Variants in TCAIM observed in about 807,000 individuals in gnomAD.
TCAIM encodes T-cell activation inhibitor, mitochondrial.
Under a neutral mutation model 58.6 loss-of-function variants are expected in TCAIM, and 36 were observed. That is an observed-to-expected ratio of 0.61 (90% confidence interval 0.47 to 0.81). TCAIM has a LOEUF of 0.81. Among genes scored for constraint, TCAIM ranks in the 30% least tolerant of loss-of-function variants. The pLI, the probability that TCAIM is intolerant of heterozygous loss-of-function variation, is 0.00. For synonymous variants in TCAIM, 172 were observed against 193.6 expected (o/e 0.89, Z 0.93); for missense variants, 466 against 579.6 (o/e 0.80, Z 2.01).
chr3:44,369,434 A>C lies in TCAIM; in HGVS notation c.572+1726A>C, dbSNP rs1701429331. On this transcript the variant is annotated intron_variant, in intron 5 of 10. Transcript: ENST00000342649. ...AAGAATGTATTAAAGGATTTCATAG[A>C]AGCAGTTGGTCTGTGGTTCAGTTGA... Among the ~76,000 whole-genome samples, 3 of 152,204 alleles carry C rather than the reference A, an allele frequency of 2.0e-5. No homozygotes were observed. The South Asian group carries it at 6.2e-4, about 31-fold the overall frequency.
At chr3:44,361,007 G>A (rs147249798) in intron 3 of TCAIM, among the ~76,000 whole-genome samples, 2 of 152,252 alleles carry the variant, frequency 1.3e-5, no homozygotes, top group African/African-American at 4.8e-5. Flanking sequence ...CTTGCCTGCA[G>A]GACTCATATG....
At chr3:44,397,978 C>T (rs1701960488) in intron 8 of TCAIM, among the ~76,000 whole-genome samples, 1 of 151,046 alleles carries the variant, frequency 6.6e-6, no homozygotes, top group Admixed American at 6.6e-5. Flanking sequence ...AAAAACCAAT[C>T]CAACTAAAAA....
At chr3:44,358,704 C>T (rs760614919) in intron 3 of TCAIM, 4 of 985,148 alleles carry the variant, frequency 4.1e-6, no homozygotes, top group Non-Finnish European at 4.8e-6. Flanking sequence ...GGAACCAATC[C>T]CCTATGGATA....
intron 5 of TCAIM, among the ~76,000 whole-genome samples, chr3:44,372,833 A>T (rs965062884): frequency 7.2e-5 from 11 of 152,184 alleles, no homozygotes; most frequent in East Asian, 5.8e-4. Context: ...TGACCTCATG[A>T]TCCACCCGTC....
At chr3:44,341,631 G>T (rs1455905583) in intron 1 of TCAIM, among the ~76,000 whole-genome samples, 3 of 152,084 alleles carry the variant, frequency 2.0e-5, no homozygotes, top group Non-Finnish European at 4.4e-5. Context: ...ATAAAATGTT[G>T]TATTGAACTG....
At chr3:44,362,316 A>G (rs1286064864) in intron 4 of TCAIM, 2 of 399,118 alleles carry the variant, frequency 5.0e-6, no homozygotes, top group African/African-American at 2.1e-5. Flanking sequence ...GTGACCTTTA[A>G]CTTTTGGGTG....
chr3:44,405,372 A>G (rs926848158), intron 10 of TCAIM, among the ~76,000 whole-genome samples: 7 of 152,238 alleles, frequency 4.6e-5, no homozygotes, highest in Non-Finnish European at 8.8e-5. Flanking sequence ...ACTTGCATGT[A>G]GTAGAAACAA....
At chr3:44,367,948 T>G (rs972283867) in intron 5 of TCAIM, 1 of 388,652 alleles carries the variant, frequency 2.6e-6, no homozygotes, top group African/African-American at 2.0e-5. Context: ...TATTTAAAGT[T>G]GTGGTCTTTT....
At chr3:44,349,003 G>T (rs891826951) in intron 1 of TCAIM, among the ~76,000 whole-genome samples, 1 of 150,250 alleles carries the variant, frequency 6.7e-6, no homozygotes, top group African/African-American at 2.5e-5. Flanking sequence ...GGGTGAGGAG[G>T]GGAGGTGATA....
At position 44,364,913 on chromosome 3, in the gene TCAIM, A is replaced by G. The variant is rs548963826; in HGVS notation, c.320-2543A>G. On this transcript the variant is annotated intron_variant, in intron 4 of 10. Transcript: ENST00000342649. ...GGGTATATAAATTAGTGCAAACTAC[A>G]AACTCTGCAGCTTGGAATTCTCTCC... 7.9e-5 allele frequency among the ~76,000 whole-genome samples: 12 copies of G among 152,326 alleles called. No individual in the cohort carries two copies. The South Asian group carries it at 2.3e-3, about 29-fold the overall frequency.
chr3:44,368,547 G>A (rs779992986), intron 5 of TCAIM, among the ~76,000 whole-genome samples: 3 of 152,216 alleles, frequency 2.0e-5, no homozygotes, highest in Admixed American at 6.5e-5. Context: ...GTCTGAAGAC[G>A]TGTATGTATG....
Position 44,400,235 on chromosome 3 carries a change from T to C in TCAIM, c.886-120T>C, listed in dbSNP as rs1351011837. The C allele has an allele frequency of 1.0e-5, 8 of 769,656 alleles. No individual in the cohort carries two copies. In the East Asian group the frequency reaches 1.1e-4, roughly 11 times the overall value. The allele number at this position is 769,656 out of a possible 1,614,324, so 47.7% of individuals were successfully genotyped here. On this transcript the variant is annotated intron_variant, in intron 8 of 10. Transcript: ENST00000342649. ...GTTTTTTTATCTCTTACTTGAACTT[T>C]CCTTCAATGAAAATCATTTTCTTGT...
chr3:44,346,879 T>A (rs951834174), intron 1 of TCAIM, among the ~76,000 whole-genome samples: 1 of 152,066 alleles, frequency 6.6e-6, no homozygotes, highest in African/African-American at 2.4e-5. Flanking sequence ...AGGGTTGGGA[T>A]GAGTTAGGGA....
intron 1 of TCAIM, among the ~76,000 whole-genome samples, chr3:44,342,508 A>AG (rs1700874044): frequency 6.6e-6 from 1 of 152,222 alleles, no homozygotes; most frequent in Non-Finnish European, 1.5e-5. Flanking sequence ...ATTCTAATCT[A>AG]GGAGTAGCTT....
rs147726906 is a variant in TCAIM, at chr3:44,401,162, G to A, written c.1119-41G>A. Reference sequence around the variant, plus strand: ...ATATTTTCTCTGGTGGGGGAGAGGAGAGGGTCAGTGGTTTTTCCTTTAATG... The same window carrying A: ...ATATTTTCTCTGGTGGGGGAGAGGAAAGGGTCAGTGGTTTTTCCTTTAATG... On this transcript the variant is annotated intron_variant, in intron 9 of 10. Coordinates refer to ENST00000342649, the MANE Select transcript of TCAIM (RefSeq NM_173826.4). The A allele has an allele frequency of 5.2e-3, 8,317 of 1,604,078 alleles. 106 individuals carry two copies. Among genetic ancestry groups the A allele is most frequent in the Non-Finnish European group, 4.1e-3 (4,784 of 1,173,544 alleles).
At chr3:44,343,793 A>C (rs997539180) in intron 1 of TCAIM, among the ~76,000 whole-genome samples, 5 of 152,208 alleles carry the variant, frequency 3.3e-5, no homozygotes, top group African/African-American at 1.2e-4. Flanking sequence ...TAAATCTGGA[A>C]ACCATGATTT....
intron 5 of TCAIM, among the ~76,000 whole-genome samples, chr3:44,374,563 T>A (rs1701535424): frequency 6.6e-6 from 1 of 151,970 alleles, no homozygotes; most frequent in Admixed American, 6.6e-5. Flanking sequence ...TAAGACCAAC[T>A]TGGGCAATCT....
intron 5 of TCAIM, among the ~76,000 whole-genome samples, chr3:44,383,558 G>A (rs978104684): frequency 6.6e-6 from 1 of 152,070 alleles, no homozygotes; most frequent in Admixed American, 6.6e-5. Context: ...GGAAGGGGGC[G>A]TTAGTGTTTA....
At chr3:44,353,890 C>T (rs1342359681) in intron 1 of TCAIM, among the ~76,000 whole-genome samples, 1 of 152,150 alleles carries the variant, frequency 6.6e-6, no homozygotes, top group South Asian at 2.1e-4. Flanking sequence ...TTCTCATTCT[C>T]TTGACATTGT....
Sources: gnomAD v4.1 joint callset for allele counts (sites outside exome capture counted in the v4.1 genomes callset) on GRCh38, gnomAD v4.1.1 for gene constraint, MANE v1.5 for transcripts, NCBI Gene and HGNC (gene_info 2026-07-23, HGNC 2026-07-21) for gene names.